KCNB2: variants seen among roughly 807,000 people sequenced by gnomAD.
The protein encoded by KCNB2 is potassium voltage-gated channel subfamily B member 2, also known as delayed rectifier potassium channel protein.
KCNB2 carries 15 observed loss-of-function variants against 61.5 expected under a neutral mutation model. That is an observed-to-expected ratio of 0.24 (90% CI 0.16 to 0.38). The LOEUF (loss-of-function observed/expected upper bound fraction) is 0.38. KCNB2 is among the 10% of genes least tolerant of loss of function. The pLI is 1.00. For synonymous variants in KCNB2, 457 were observed against 446.0 expected, an observed-to-expected ratio of 1.02 and a Z score of -0.31; for missense variants, 828 against 1,125.2, an observed-to-expected ratio of 0.74 and a Z score of 3.78.
At chr8:72,780,364 T>C (rs954764346) in intron 2 of KCNB2, among the ~76,000 whole-genome samples, 2 of 152,232 alleles carry the variant, frequency 1.3e-5, no homozygotes, top group Non-Finnish European at 2.9e-5. Context: ...ATCAAATAAG[T>C]GCAAATATCA....
chr8:72,858,704 T>C (rs182553079), intron 2 of KCNB2, among the ~76,000 whole-genome samples: 204 of 152,324 alleles, frequency 1.3e-3, no homozygotes, highest in South Asian at 5.2e-3. Context: ...TTCAAGATAG[T>C]TGTCGCTATA....
chr8:72,796,634 T>C (rs1809034148), intron 2 of KCNB2, among the ~76,000 whole-genome samples: 1 of 152,144 alleles, frequency 6.6e-6, no homozygotes, highest in South Asian at 2.1e-4. Flanking sequence ...TTAATGTACC[T>C]ATCCAATCAA....
chr8:72,874,597 T>C (rs1403075532), intron 2 of KCNB2, among the ~76,000 whole-genome samples: 1 of 152,206 alleles, frequency 6.6e-6, no homozygotes, highest in Non-Finnish European at 1.5e-5. Flanking sequence ...AAAGGAGTTG[T>C]TCAAAGGCAG....
At chr8:72,766,009 C>T (rs1435668895) in intron 2 of KCNB2, among the ~76,000 whole-genome samples, 2 of 152,172 alleles carry the variant, frequency 1.3e-5, no homozygotes, top group Admixed American at 6.5e-5. Context: ...TGCTGCTTCT[C>T]AAAGAATGGC....
intron 2 of KCNB2, among the ~76,000 whole-genome samples, chr8:72,696,762 G>A (rs1807024889): frequency 1.3e-5 from 2 of 152,056 alleles, no homozygotes; most frequent in Admixed American, 1.3e-4. Context: ...TATGAACCAT[G>A]GACATGCTAA....
chr8:72,739,370 G>A (rs1807905720), intron 2 of KCNB2, among the ~76,000 whole-genome samples: 1 of 152,096 alleles, frequency 6.6e-6, no homozygotes, highest in South Asian at 2.1e-4. Flanking sequence ...GAAAACTATG[G>A]TGACAGGGGA....
At chr8:72,582,734 T>A (rs1806924672) in intron 2 of KCNB2, among the ~76,000 whole-genome samples, 1 of 152,154 alleles carries the variant, frequency 6.6e-6, no homozygotes, top group Admixed American at 6.5e-5. Flanking sequence ...TGCCTCAGCC[T>A]CCTGAGTAGC....
intron 2 of KCNB2, among the ~76,000 whole-genome samples, chr8:72,870,607 T>A (rs1387315151): frequency 6.6e-6 from 1 of 152,308 alleles, no homozygotes; most frequent in African/African-American, 2.4e-5. Context: ...TCCACCTATG[T>A]ATGAGCTTAA....
At chr8:72,795,070 T>C (rs1477349254) in intron 2 of KCNB2, among the ~76,000 whole-genome samples, 1 of 152,176 alleles carries the variant, frequency 6.6e-6, no homozygotes, top group Admixed American at 6.5e-5. Flanking sequence ...TGAAAATATA[T>C]AGGTAAAAAT....
chr8:72,672,571 C>G (rs543422822), intron 2 of KCNB2, among the ~76,000 whole-genome samples: 1 of 152,068 alleles, frequency 6.6e-6, no homozygotes, highest in Non-Finnish European at 1.5e-5. Flanking sequence ...TTATCATTCA[C>G]TGATATTTAA....
At chr8:72,815,540 A>G (rs1381165717) in intron 2 of KCNB2, among the ~76,000 whole-genome samples, 2 of 152,190 alleles carry the variant, frequency 1.3e-5, no homozygotes, top group Non-Finnish European at 2.9e-5. Flanking sequence ...TCCATTGCTT[A>G]TCATATCATC....
rs1810013711 is a variant in KCNB2, at chr8:72,847,367, A to G, written c.580-88568A>G. Among the ~76,000 whole-genome samples the G allele has an allele frequency of 2.6e-5, 4 of 152,166 alleles. No individual in the cohort carries two copies. In the South Asian group the frequency reaches 8.3e-4, roughly 32 times the overall value. The stretch of plus-strand genomic sequence containing the variant: ...TTGTGGTCTTCCCATCTCCACTTCA[A>G]CATGGGACCTCCCAGAAGGCCAACC... On this transcript the variant is annotated intron_variant, in intron 2 of 2. Coordinates refer to ENST00000523207, the MANE Select transcript of KCNB2 (RefSeq NM_004770.3).
rs1160394656 is a variant in KCNB2 at position 72,611,127 on chromosome 8, A to ATG, written c.579+42817_579+42818dup. On this transcript the variant is annotated intron_variant, in intron 2 of 2. Transcript: ENST00000523207. Reference sequence around the variant, plus strand: ...CTGAAGAAAAGGAAAAAGAAAATCTATGTGCTATCCATTTTGAAACTGAGA... The same window carrying ATG: ...CTGAAGAAAAGGAAAAAGAAAATCTATGTGTGCTATCCATTTTGAAACTGAGA... Among the ~76,000 whole-genome samples, 19 of 152,268 alleles carry ATG rather than the reference A, an allele frequency of 1.2e-4. No homozygotes were observed. In the East Asian group the frequency reaches 1.9e-3, roughly 15 times the overall value.
intron 1 of KCNB2, among the ~76,000 whole-genome samples, chr8:72,542,501 T>C (rs573667105): frequency 1.3e-5 from 2 of 152,292 alleles, no homozygotes; most frequent in African/African-American, 4.8e-5. Context: ...TGAAGTACAG[T>C]ACTGTTAGTA....
chr8:72,675,094 T>C (rs1242833766), intron 2 of KCNB2, among the ~76,000 whole-genome samples: 1 of 152,152 alleles, frequency 6.6e-6, no homozygotes, highest in Non-Finnish European at 1.5e-5. Flanking sequence ...CTAATGGGGC[T>C]ACAACACATA....
chr8:72,797,666 A>C, intron 2 of KCNB2, among the ~76,000 whole-genome samples: 1 of 152,214 alleles, frequency 6.6e-6, no homozygotes, highest in African/African-American at 2.4e-5. Flanking sequence ...ATCTGGGATA[A>C]CCCATGCTGA....
At chr8:72,718,433 A>G (rs148851852) in intron 2 of KCNB2, among the ~76,000 whole-genome samples, 2,821 of 152,204 alleles carry the variant, frequency 0.019, 68 homozygotes, top group African/African-American at 0.062. Context: ...AACAATGATA[A>G]ACTGGATTAA....
chr8:72,681,093 T>A (rs574841210), intron 2 of KCNB2, among the ~76,000 whole-genome samples: 1 of 152,050 alleles, frequency 6.6e-6, no homozygotes, highest in Non-Finnish European at 1.5e-5. Flanking sequence ...ATGTGAAAAA[T>A]AAGTCAAAGA....
chr8:72,687,637 T>C (rs567772979), intron 2 of KCNB2, among the ~76,000 whole-genome samples: 2 of 152,344 alleles, frequency 1.3e-5, no homozygotes, highest in East Asian at 1.9e-4. Flanking sequence ...CTCAATTGTT[T>C]CAAATAGTTA....
Sources: allele counts gnomAD v4.1 joint callset (sites outside exome capture counted in the v4.1 genomes callset), GRCh38; gene constraint gnomAD v4.1.1; transcripts MANE v1.5; gene names NCBI Gene and HGNC (gene_info 2026-07-23, HGNC 2026-07-21).